GRXCR1: variants seen among roughly 807,000 people sequenced by gnomAD.
GRXCR1 encodes the protein glutaredoxin and cysteine rich domain containing 1, also known as glutaredoxin domain-containing cysteine-rich protein 1.
Under a neutral mutation model 27.3 loss-of-function variants are expected in GRXCR1, and 27 were observed. The ratio of observed to expected loss-of-function variants is 0.99; its 90% confidence interval spans 0.73 to 1.37. GRXCR1 has a LOEUF of 1.37. GRXCR1 is among the 40% of genes most tolerant of loss of function. GRXCR1 has a pLI of 0.00. For missense variants in GRXCR1, 379 were observed against 354.4 expected (o/e 1.07, Z -0.56); for synonymous variants, 122 against 131.1 (o/e 0.93, Z 0.47).
chr4:42,902,892 G>C (rs80245397), intron 1 of GRXCR1, among the ~76,000 whole-genome samples: 2,045 of 152,258 alleles, frequency 0.013, 16 homozygotes, highest in Non-Finnish European at 0.02. Flanking sequence ...TTCTTGTAGT[G>C]CCAGAAACTT....
At chr4:42,902,803 A>G (rs1481982850) in intron 1 of GRXCR1, among the ~76,000 whole-genome samples, 1 of 152,198 alleles carries the variant, frequency 6.6e-6, no homozygotes, top group Admixed American at 6.5e-5. Flanking sequence ...CCTATGCAGC[A>G]AACCTGCACA....
chr4:42,986,571 AG>A (rs1440717138), intron 2 of GRXCR1, among the ~76,000 whole-genome samples: 3 of 152,156 alleles, frequency 2.0e-5, no homozygotes, highest in East Asian at 1.9e-4. Context: ...TGAGGGTGGG[AG>A]GAAGTTCAAG....
At chr4:42,904,881 A>T (rs570122215) in intron 1 of GRXCR1, among the ~76,000 whole-genome samples, 6 of 152,186 alleles carry the variant, frequency 3.9e-5, no homozygotes, top group African/African-American at 1.4e-4. Context: ...TCAAGAGCTT[A>T]TTAAGGAACA....
At chr4:42,960,841 A>T (rs182041328) in intron 1 of GRXCR1, among the ~76,000 whole-genome samples, 1 of 151,748 alleles carries the variant, frequency 6.6e-6, no homozygotes, top group Non-Finnish European at 1.5e-5. Flanking sequence ...CTTTTTTAAA[A>T]TTTTAATTTT....
Position 42,893,490 on chromosome 4 carries a change from A to ACCT in GRXCR1, c.224_225insCCT (p.Asn75_Asp76insLeu). The ACCT allele has an allele frequency of 6.2e-6, 10 of 1,613,898 alleles. No individual in the cohort carries two copies. Among genetic ancestry groups the ACCT allele is most frequent in the Non-Finnish European group, 8.5e-6 (10 of 1,179,836 alleles). On this transcript the variant is annotated inframe_insertion, in exon 1 of 4. Transcript: ENST00000399770. ...GAGTCAGAAGGTGATGAGAATGAGAATGACCAGGATAGCTTGCTGGTGTTA... is the reference window on the plus strand; with the variant it reads ...GAGTCAGAAGGTGATGAGAATGAGAACCTTGACCAGGATAGCTTGCTGGTGTTA...
intron 2 of GRXCR1, among the ~76,000 whole-genome samples, chr4:42,998,959 C>A (rs548147697): frequency 2.6e-5 from 4 of 152,274 alleles, no homozygotes; most frequent in East Asian, 1.9e-4. Context: ...TATATTAGAT[C>A]CTTCTTGGCT....
intron 2 of GRXCR1, among the ~76,000 whole-genome samples, chr4:42,978,666 A>T (rs1169923304): frequency 2.0e-5 from 3 of 151,920 alleles, no homozygotes; most frequent in Non-Finnish European, 2.9e-5. Flanking sequence ...AATTTTATCA[A>T]ATTTATTTTT....
At chr4:42,923,644 C>T (rs1177770650) in intron 1 of GRXCR1, among the ~76,000 whole-genome samples, 2 of 152,062 alleles carry the variant, frequency 1.3e-5, no homozygotes, top group Non-Finnish European at 2.9e-5. Context: ...CCTAGCCTTG[C>T]CCCATGCTTC....
chr4:43,013,912 TA>T (rs1712847823), intron 2 of GRXCR1, among the ~76,000 whole-genome samples: 1 of 152,124 alleles, frequency 6.6e-6, no homozygotes, highest in African/African-American at 2.4e-5. Context: ...GGCTTTATTA[TA>T]AAAAATCAGG....
At chr4:42,907,442 A>G (rs181720421) in intron 1 of GRXCR1, among the ~76,000 whole-genome samples, 278 of 152,268 alleles carry the variant, frequency 1.8e-3, no homozygotes, top group Non-Finnish European at 3.3e-3. Flanking sequence ...TCCACTATCC[A>G]TTTTAGACAC....
chr4:43,009,539 C>G (rs1254739516), intron 2 of GRXCR1, among the ~76,000 whole-genome samples: 1 of 152,108 alleles, frequency 6.6e-6, no homozygotes, highest in Non-Finnish European at 1.5e-5. Flanking sequence ...TTACAAACAA[C>G]AGAAATTCAT....
At chr4:43,002,877 CA>C (rs1712420643) in intron 2 of GRXCR1, among the ~76,000 whole-genome samples, 1 of 152,178 alleles carries the variant, frequency 6.6e-6, no homozygotes, top group Admixed American at 6.5e-5. Flanking sequence ...TGTCTTCACC[CA>C]AATCTCATGA....
chr4:42,942,110 TAATTGGA>T (rs1002910329), intron 1 of GRXCR1, among the ~76,000 whole-genome samples: 52 of 152,140 alleles, frequency 3.4e-4, no homozygotes, highest in African/African-American at 1.2e-3. Flanking sequence ...TAGAGCATCG[TAATTGGA>T]AACTATTCTG....
At chr4:43,019,090 G>T (rs1006239686) in intron 2 of GRXCR1, among the ~76,000 whole-genome samples, 1 of 152,148 alleles carries the variant, frequency 6.6e-6, no homozygotes, top group African/African-American at 2.4e-5. Flanking sequence ...CTATAGGACT[G>T]TTTAACCTAT....
chr4:42,990,173 C>CTTTTTTTTGTTTTTTTTT (rs1711918950), intron 2 of GRXCR1, among the ~76,000 whole-genome samples: 1 of 46,200 alleles, frequency 2.2e-5, no homozygotes, highest in African/African-American at 8.4e-5. Context: ...ATTATTAGTT[C>CTTTTTTTTGTTTTTTTTT]TTTTTTTTTT....
intron 1 of GRXCR1, among the ~76,000 whole-genome samples, chr4:42,939,694 T>C (rs915965375): frequency 6.6e-6 from 1 of 152,088 alleles, no homozygotes; most frequent in Non-Finnish European, 1.5e-5. Context: ...TTTCCTTCAG[T>C]TACAATTCTT....
intron 1 of GRXCR1, among the ~76,000 whole-genome samples, chr4:42,909,388 T>C (rs553907139): frequency 1.6e-4 from 25 of 152,178 alleles, no homozygotes; most frequent in African/African-American, 5.8e-4. Context: ...CCCGCACATC[T>C]CTGGAAGTGG....
intron 1 of GRXCR1, among the ~76,000 whole-genome samples, chr4:42,924,375 A>G (rs769565253): frequency 1.3e-5 from 2 of 152,048 alleles, no homozygotes; most frequent in Non-Finnish European, 2.9e-5. Context: ...TTTTACCTAT[A>G]TTGTCACACT....
In GRXCR1 at chr4:43,020,387, G is replaced by T; in HGVS notation, c.661G>T (p.Gly221Ter). 6.2e-7 allele frequency: 1 copy of T among 1,612,340 alleles called. No individual in the cohort carries two copies. Among genetic ancestry groups the T allele is most frequent in the Non-Finnish European group, 8.5e-7 (1 of 1,178,500 alleles). The part of the protein sequence containing the change: ...AEKILSMNES[G>*]ELQDILTKIE... ...GAAAATTTTGTCAATGAATGAATCAGGAGAACTGCAAGACATCCTAACCAA... is the reference window on the plus strand; with the variant it reads ...GAAAATTTTGTCAATGAATGAATCATGAGAACTGCAAGACATCCTAACCAA... Residue 221 changes from glycine to a stop codon, truncating the protein, a stop_gained, in exon 3 of 4, where the codon GGA becomes TGA. Transcript: ENST00000399770. LOFTEE classifies it high-confidence loss of function.
Sources: gnomAD v4.1 joint callset for allele counts (sites outside exome capture counted in the v4.1 genomes callset) on GRCh38, gnomAD v4.1.1 for gene constraint, MANE v1.5 for transcripts, NCBI Gene and HGNC (gene_info 2026-07-23, HGNC 2026-07-21) for gene names.